Variants in MVP observed in about 807,000 individuals in gnomAD.
MVP encodes major vault protein.
In MVP, 62 loss-of-function variants were observed where a neutral mutation model predicts 83.5. That is an observed-to-expected ratio of 0.74 (90% CI 0.61 to 0.92). MVP has a LOEUF of 0.92. Ranked by LOEUF, MVP falls within the 40% of genes least tolerant of loss-of-function variation. MVP has a pLI of 0.00. For missense variants in MVP, 1,000 were observed against 1,203.4 expected (o/e 0.83, Z 2.50); for synonymous variants, 505 against 504.1 (o/e 1.00, Z -0.02).
In MVP at chr16:29,834,053, G is replaced by A. The variant is rs766130518; in HGVS notation, c.564G>A (p.Lys188=). 3.1e-5 allele frequency: 50 copies of A among 1,613,666 alleles called. No individual in the cohort carries two copies. Among genetic ancestry groups the A allele is most frequent in the Non-Finnish European group, 4.2e-5 (50 of 1,179,862 alleles). Residue 188 remains lysine (K), a synonymous_variant, in exon 5 of 15, where the codon AAG becomes AAA. Transcript: ENST00000357402. ...AGGAGTGCTGGGACCGGGACGGCAAGGAGAGGGTGACAGGTGGGGTCACCA... is the reference window on the plus strand; with the variant it reads ...AGGAGTGCTGGGACCGGGACGGCAAAGAGAGGGTGACAGGTGGGGTCACCA... ...ARKECWDRDG[K]ERVTGEEWLV...
intron 7 of MVP, among the ~76,000 whole-genome samples, chr16:29,838,815 G>A (rs149990693): frequency 7.0e-4 from 106 of 152,288 alleles, no homozygotes; most frequent in African/African-American, 2.4e-3. Context: ...GCAGTAGAGT[G>A]AGATCCTGTC....
rs1434955364 is a variant in MVP at position 29,844,849 on chromosome 16, T to C, written c.1991T>C (p.Ile664Thr). 2 of 1,604,772 alleles carry C rather than the reference T, an allele frequency of 1.2e-6. No homozygotes were observed. The highest frequency in any genetic ancestry group is 1.7e-6 in the Non-Finnish European group (2 of 1,179,764). ...LQRSVQLAIE[I>T]TTNSQEAAAK... ...CGCAGCGTCCAGCTGGCCATCGAGA[T>C]CACCACCAACTCCCAGGAAGCGGCG... Residue 664 changes from isoleucine (I) to threonine (T), a missense_variant, in exon 11 of 15, where the codon ATC becomes ACC. By Grantham distance (89) the Ile-to-Thr change is moderately conservative. Coordinates refer to ENST00000357402, the MANE Select transcript of MVP (RefSeq NM_005115.5).
rs1596925003 is a variant in MVP at position 29,841,340 on chromosome 16, C to T, written c.1192-256C>T. On this transcript the variant is annotated intron_variant, in intron 8 of 14. Transcript: ENST00000357402. The surrounding 1 kb of genome is among the most constrained non-coding windows in gnomAD (Gnocchi z 4.7). ...GCTAGACATGTGAAGATGTCATTCA[C>T]CCCTAGACCCTGCAAGGTAGCCACC... Among the ~76,000 whole-genome samples the T allele has an allele frequency of 6.6e-6, 1 of 152,142 alleles. No homozygotes were observed. Among genetic ancestry groups the T allele is most frequent in the East Asian group, 1.9e-4 (1 of 5,196 alleles).
intron 7 of MVP, among the ~76,000 whole-genome samples, 187 bp downstream of exon 7, chr16:29,837,145 C>G (rs769512904): frequency 6.6e-5 from 10 of 152,234 alleles, no homozygotes; most frequent in Non-Finnish European, 1.5e-4. Flanking sequence ...ACTTACCCCT[C>G]AGACCTGAAG....
Position 29,844,770 on chromosome 16 carries a change from G to A in MVP, c.1912G>A (p.Val638Met). 4.3e-6 allele frequency: 7 copies of A among 1,611,440 alleles called. No individual in the cohort carries two copies. The highest frequency in any genetic ancestry group is 5.9e-6 in the Non-Finnish European group (7 of 1,180,010). ...CCAAAACGGGCTGGTGGTCAGCAGT[G>A]TGGACGTGCAGTCAGTGGAGCCTGT... ...FPQNGLVVSSVDVQSVEPVDQ... is the reference protein window; with the variant it reads ...FPQNGLVVSSMDVQSVEPVDQ... Residue 638 changes from valine (V) to methionine (M), a missense_variant, in exon 11 of 15, where the codon GTG (valine) becomes ATG (methionine). By Grantham distance (21) the Val-to-Met change is conservative. Coordinates refer to ENST00000357402, the MANE Select transcript of MVP (RefSeq NM_005115.5).
At chr16:29,836,603 A>C in intron 6 of MVP, 119 bp from the exon 7 acceptor site, 3 of 741,550 alleles carry the variant, frequency 4.0e-6, no homozygotes, top group Non-Finnish European at 6.5e-6. Context: ...CAATCCCTGG[A>C]TTGGTAGAAA....
At position 29,830,669 on chromosome 16, in the gene MVP, T is replaced by A. The variant is rs1442878516; in HGVS notation, c.120T>A (p.Asn40Lys). Reference protein sequence around the residue: ...VGPKTYIRQDNERVLFAPMRM... With the variant: ...VGPKTYIRQDKERVLFAPMRM... ...CAAAGACCTACATCCGGCAGGACAA[T>A]GAGAGGTGGGTGTGGGGGCTGGGCT... The change falls in exon 2 of 15, where the codon AAT becomes AAA. Residue 40 changes from asparagine to lysine, a missense_variant. By Grantham distance (94) the Asn-to-Lys change is moderately conservative. Transcript: ENST00000357402. The A allele has an allele frequency of 6.2e-7, 1 of 1,613,564 alleles. No individual in the cohort carries two copies. Among genetic ancestry groups the A allele is most frequent in the Non-Finnish European group, 8.5e-7 (1 of 1,179,860 alleles).
chr16:29,847,196 G>C lies in MVP; in HGVS notation c.2266-1G>C, dbSNP rs1420778253. ...AGAATGATTGATTTTTCCTCTTCCA[G>C]GAGGCTGAGCTCCAGAGGGTCCAGA... On this transcript the variant is annotated splice_acceptor_variant, in intron 13 of 14. Coordinates refer to ENST00000357402, the MANE Select transcript of MVP (RefSeq NM_005115.5). LOFTEE classifies it high-confidence loss of function. The C allele has an allele frequency of 6.2e-7, 1 of 1,612,822 alleles. No homozygotes were observed. Among genetic ancestry groups the C allele is most frequent in the East Asian group, 2.2e-5 (1 of 44,856 alleles).
intron 1 of MVP, among the ~76,000 whole-genome samples, chr16:29,826,612 A>C (rs1448052465): frequency 3.5e-5 from 4 of 115,172 alleles, no homozygotes; most frequent in Non-Finnish European, 5.4e-5. Context: ...ACAAAGTAAG[A>C]CCTTATCTCA....
intron 5 of MVP, chr16:29,834,608 C>T: frequency 6.1e-6 from 1 of 165,204 alleles, no homozygotes; most frequent in Admixed American, 5.8e-5. Flanking sequence ...GTGGAGGCTG[C>T]AGTGAGCTGT....
Position 29,830,958 on chromosome 16 carries a change from C to T in MVP, c.206C>T (p.Ala69Val). Residue 69 changes from alanine to valine, a missense_variant, in exon 3 of 15, where the codon GCC becomes GTC. Transcript: ENST00000357402. Reference sequence around the variant, plus strand: ...GTGGCCAACCCTGTGTCTCGGGATGCCCAGGGCTTGGTGCTGTTTGATGTC... The same window carrying T: ...GTGGCCAACCCTGTGTCTCGGGATGTCCAGGGCTTGGTGCTGTTTGATGTC... The part of the protein sequence containing the change: ...CTVANPVSRD[A>V]QGLVLFDVTG... The T allele has an allele frequency of 1.2e-6, 2 of 1,614,056 alleles. No homozygotes were observed. Among genetic ancestry groups the T allele is most frequent in the Non-Finnish European group, 1.7e-6 (2 of 1,179,984 alleles).
chr16:29,836,925 C>T lies in MVP; in HGVS notation c.876C>T (p.Gly292=). 6.2e-7 allele frequency: 1 copy of T among 1,613,736 alleles called. No homozygotes were observed. Among genetic ancestry groups the T allele is most frequent in the Non-Finnish European group, 8.5e-7 (1 of 1,179,844 alleles). ...CVILDPVGPD[G]KNQLGQKRVV... is the part of the protein sequence containing the mutation. ...TTCTCGACCCTGTCGGACCGGATGG[C>T]AAGAATCAGCTGGGGCAGAAGCGCG... Residue 292 remains glycine, a synonymous_variant, in exon 7 of 15, where the codon GGC becomes GGT. Coordinates refer to ENST00000357402, the MANE Select transcript of MVP (RefSeq NM_005115.5).
chr16:29,825,320 C>T (rs1250501784), intron 1 of MVP, among the ~76,000 whole-genome samples: 1 of 152,178 alleles, frequency 6.6e-6, no homozygotes, highest in African/African-American at 2.4e-5. Context: ...AGCCTGAGGG[C>T]TGGGCAGAGC....
chr16:29,839,380 A>AT (rs2150757246), intron 7 of MVP, among the ~76,000 whole-genome samples: 1 of 152,284 alleles, frequency 6.6e-6, no homozygotes, highest in Admixed American at 6.5e-5. Context: ...TAGACTTAAC[A>AT]TAGCAGTGAT....
At chr16:29,828,423 A>G (rs564487838) in intron 1 of MVP, among the ~76,000 whole-genome samples, 14 of 150,476 alleles carry the variant, frequency 9.3e-5, no homozygotes, top group Non-Finnish European at 1.8e-4. Context: ...TCTGTTGCCC[A>G]GGCTGGAGTG....
At chr16:29,834,395 T>C (rs1358214281) in intron 5 of MVP, 2 of 344,784 alleles carry the variant, frequency 5.8e-6, no homozygotes, top group Admixed American at 4.0e-5. Context: ...TGTAGGCCAA[T>C]AGGTACAGTG....
Position 29,845,933 on chromosome 16 carries a change from G to A in MVP, c.2092G>A (p.Glu698Lys), listed in dbSNP as rs1487800068. ...LERQKILDQS[E>K]AEKARKELLE... ...GCGGCAGAAGATCCTGGACCAGTCA[G>A]AAGCCGAGAAAGCTCGCAAGGAACT... is the stretch of plus-strand genomic sequence containing the variant. Residue 698 changes from glutamate to lysine, a missense_variant, in exon 12 of 15, where the codon GAA becomes AAA. Coordinates refer to ENST00000357402, the MANE Select transcript of MVP (RefSeq NM_005115.5). The A allele has an allele frequency of 1.2e-6, 2 of 1,614,266 alleles. No individual in the cohort carries two copies. The highest frequency in any genetic ancestry group is 2.2e-5 in the South Asian group (2 of 91,090).
chr16:29,833,906 A>G (rs1478033853), intron 4 of MVP, 29 bp from the exon 5 acceptor site: 19 of 1,613,902 alleles, frequency 1.2e-5, no homozygotes, highest in Non-Finnish European at 1.5e-5. Flanking sequence ...TAGCCCTGAT[A>G]CCTTCTGACC....
Position 29,834,077 on chromosome 16 carries a change from C to G in MVP, c.577+11C>G. 6.2e-7 allele frequency: 1 copy of G among 1,612,154 alleles called. No individual in the cohort carries two copies. The highest frequency in any genetic ancestry group is 1.1e-5 in the South Asian group (1 of 90,636). ...AGGAGAGGGTGACAGGTGGGGTCAC[C>G]AAGGGGCGATGATGGTGGGTGGGCA... On this transcript the variant is annotated intron_variant, in intron 5 of 14. Coordinates refer to ENST00000357402, the MANE Select transcript of MVP (RefSeq NM_005115.5).
Sources: gnomAD v4.1 joint callset for allele counts (sites outside exome capture counted in the v4.1 genomes callset) on GRCh38, gnomAD v4.1.1 for gene constraint, Gnocchi (gnomAD v3.1) non-coding constraint, MANE v1.5 for transcripts, NCBI Gene and HGNC (gene_info 2026-07-23, HGNC 2026-07-21) for gene names.